Variants in C2orf80 observed in about 807,000 individuals in gnomAD.
The protein encoded by C2orf80 is uncharacterized protein C2orf80.
C2orf80 carries 28 observed loss-of-function variants against 30.2 expected under a neutral mutation model. That is an observed-to-expected ratio of 0.93 (90% CI 0.69 to 1.27). The LOEUF (loss-of-function observed/expected upper bound fraction) is 1.27, where lower values mean the gene tolerates loss of function less well. C2orf80 is among the 50% of genes most tolerant of loss of function. The pLI is 0.00. For synonymous variants in C2orf80, 80 were observed against 76.4 expected (o/e 1.05, Z -0.24); for missense variants, 220 against 231.0 (o/e 0.95, Z 0.31).
chr2:208,175,568 T>G (rs1559339441), intron 6 of C2orf80, among the ~76,000 whole-genome samples: 1 of 152,160 alleles, frequency 6.6e-6, no homozygotes, highest in Non-Finnish European at 1.5e-5. Flanking sequence ...ACCCATATTG[T>G]GTCATGCGGC....
In C2orf80 at chr2:208,165,654, G is replaced by C. The variant is rs1353694854; in HGVS notation, c.*153C>G. ...GCCATGCAATATGCTTCTAAAAGAAGAAAGCTCAACATCAAAAATAACACT... is the reference window on the plus strand; with the variant it reads ...GCCATGCAATATGCTTCTAAAAGAACAAAGCTCAACATCAAAAATAACACT... On this transcript the variant is annotated 3_prime_UTR_variant, in exon 9 of 9. Transcript: ENST00000341287. 2.1e-6 allele frequency: 2 copies of C among 953,724 alleles called. No individual in the cohort carries two copies. Among genetic ancestry groups the C allele is most frequent in the Admixed American group, 6.1e-5 (2 of 33,050 alleles). The allele number at this position is 953,724 out of a possible 1,614,324, so 59.1% of individuals were successfully genotyped here.
At chr2:208,172,628 C>T (rs778220746) in intron 6 of C2orf80, among the ~76,000 whole-genome samples, 50 of 152,192 alleles carry the variant, frequency 3.3e-4, no homozygotes, top group Non-Finnish European at 5.4e-4. Context: ...ATACACTTAA[C>T]AGACTGACAA....
chr2:208,173,600 G>A (rs542562736), intron 6 of C2orf80, among the ~76,000 whole-genome samples: 1 of 147,394 alleles, frequency 6.8e-6, no homozygotes, highest in Non-Finnish European at 1.5e-5. Context: ...ACTCCAGCCT[G>A]GGCGAGAGAG....
chr2:208,182,350 A>C (rs1696586269), intron 4 of C2orf80, among the ~76,000 whole-genome samples: 1 of 152,230 alleles, frequency 6.6e-6, no homozygotes, highest in Non-Finnish European at 1.5e-5. Context: ...TTACCCATAG[A>C]ACTGACTGTT....
intron 2 of C2orf80, among the ~76,000 whole-genome samples, chr2:208,186,369 T>C (rs1696718866): frequency 6.6e-6 from 1 of 152,206 alleles, no homozygotes; most frequent in Non-Finnish European, 1.5e-5. Context: ...CTTTCTTTTT[T>C]CTTTTTATAT....
intron 6 of C2orf80, among the ~76,000 whole-genome samples, chr2:208,174,457 G>T (rs1696211196): frequency 6.6e-6 from 1 of 152,186 alleles, no homozygotes; most frequent in African/African-American, 2.4e-5. Flanking sequence ...TCAGGAGGAA[G>T]GAGGGTGGTC....
At chr2:208,166,577 T>C (rs1031535084) in intron 8 of C2orf80, among the ~76,000 whole-genome samples, 7 of 152,210 alleles carry the variant, frequency 4.6e-5, no homozygotes, top group African/African-American at 1.4e-4. Flanking sequence ...CTATGTCTCA[T>C]TTCCTTTCAT....
intron 8 of C2orf80, among the ~76,000 whole-genome samples, chr2:208,170,154 C>T (rs1240529421): frequency 6.6e-6 from 1 of 152,222 alleles, no homozygotes; most frequent in African/African-American, 2.4e-5. Flanking sequence ...TTCTACCTTA[C>T]AGCCTTCCAG....
intron 1 of C2orf80, among the ~76,000 whole-genome samples, chr2:208,189,028 G>A (rs886533723): frequency 3.3e-5 from 5 of 152,116 alleles, no homozygotes; most frequent in Admixed American, 6.5e-5. Flanking sequence ...GGTGTTATCC[G>A]AAAAAGATGG....
chr2:208,177,151 T>C (rs931103020), intron 6 of C2orf80, among the ~76,000 whole-genome samples: 2 of 147,208 alleles, frequency 1.4e-5, no homozygotes, highest in Non-Finnish European at 3.0e-5. Context: ...ATATATTATA[T>C]ATAGTGTGTG....
chr2:208,169,269 TTGTGTGTG>T (rs10658929), intron 8 of C2orf80, among the ~76,000 whole-genome samples: 6 of 138,084 alleles, frequency 4.3e-5, no homozygotes, highest in African/African-American at 5.4e-5. Flanking sequence ...AAAGTCTAGA[TTGTGTGTG>T]TGTGTGTGTG....
At chr2:208,174,658 C>T (rs1696219745) in intron 6 of C2orf80, among the ~76,000 whole-genome samples, 1 of 152,204 alleles carries the variant, frequency 6.6e-6, no homozygotes, top group Admixed American at 6.5e-5. Context: ...AGAGAAATAA[C>T]TTATCCGAAG....
chr2:208,176,938 T>G (rs59113395), intron 6 of C2orf80, among the ~76,000 whole-genome samples: 14,794 of 51,142 alleles, frequency 0.29, 4,548 homozygotes, highest in Non-Finnish European at 0.38. Flanking sequence ...TATGTATACA[T>G]ATCTGTATAC....
intron 8 of C2orf80, among the ~76,000 whole-genome samples, chr2:208,166,229 G>T (rs1417299843): frequency 6.6e-6 from 1 of 152,048 alleles, no homozygotes; most frequent in African/African-American, 2.4e-5. Flanking sequence ...GAGTAAAGTG[G>T]TAGAGTATAT....
In C2orf80 at chr2:208,168,273, G is replaced by T. The variant is rs145539670; in HGVS notation, c.574-2458C>A. The T allele has an allele frequency of 2.4e-3, 548 of 229,300 alleles. 5 individuals are homozygous for T. The highest frequency in any genetic ancestry group is 0.018 in the East Asian group (111 of 6,004). The allele number at this position is 229,300 out of a possible 1,614,324, so 14.2% of individuals were successfully genotyped here. ...AAAAGTGGGACAGGGGTGTGAAGAA[G>T]AGGGAGTTCTTTTGCTTTTCATTTT... On this transcript the variant is annotated intron_variant, in intron 8 of 8. Transcript: ENST00000341287.
chr2:208,185,695 G>A (rs1215122418), intron 2 of C2orf80, among the ~76,000 whole-genome samples: 2 of 152,064 alleles, frequency 1.3e-5, no homozygotes, highest in African/African-American at 2.4e-5. Context: ...GGTTGATTTT[G>A]GCACATCTCA....
chr2:208,181,865 T>A (rs1696573817), intron 4 of C2orf80, among the ~76,000 whole-genome samples: 1 of 152,152 alleles, frequency 6.6e-6, no homozygotes, highest in African/African-American at 2.4e-5. Context: ...GGAATGGTGT[T>A]CACCCTGAGG....
Position 208,176,396 on chromosome 2 carries a change from G to A in C2orf80, c.367-4321C>T, listed in dbSNP as rs376632504. Reference sequence around the variant, plus strand: ...TCACCATGTTGGCCAGGCTGGCCTCGAACTCCTGACCTCAAGTGATCCGCC... The same window carrying A: ...TCACCATGTTGGCCAGGCTGGCCTCAAACTCCTGACCTCAAGTGATCCGCC... On this transcript the variant is annotated intron_variant, in intron 6 of 8. Coordinates refer to ENST00000341287, the MANE Select transcript of C2orf80 (RefSeq NM_001099334.3). Among the ~76,000 whole-genome samples the A allele has an allele frequency of 7.0e-4, 107 of 152,238 alleles. 2 individuals are homozygous for A. In the South Asian group the frequency reaches 0.018, roughly 26 times the overall value.
rs562290568 is a variant in C2orf80, at chr2:208,170,636, T to C, written c.573+309A>G. Among the ~76,000 whole-genome samples the C allele has an allele frequency of 3.3e-5, 5 of 152,318 alleles. No homozygotes were observed. The East Asian group carries it at 9.6e-4, about 29-fold the overall frequency. Reference sequence around the variant, plus strand: ...TTTTCAAATGCTGAAAAGATAATAATAGCTAGTATTTATTTGGGGTTTACT... The same window carrying C: ...TTTTCAAATGCTGAAAAGATAATAACAGCTAGTATTTATTTGGGGTTTACT... On this transcript the variant is annotated intron_variant, in intron 8 of 8. Coordinates refer to ENST00000341287, the MANE Select transcript of C2orf80 (RefSeq NM_001099334.3).
Sources: gnomAD v4.1 joint callset for allele counts (sites outside exome capture counted in the v4.1 genomes callset) on GRCh38, gnomAD v4.1.1 for gene constraint, MANE v1.5 for transcripts, NCBI Gene and HGNC (gene_info 2026-07-23, HGNC 2026-07-21) for gene names.